Variants in TMEM184B observed in about 807,000 individuals in gnomAD.
The protein encoded by TMEM184B is transmembrane protein 184B.
In TMEM184B, 17 loss-of-function variants were observed where a neutral mutation model predicts 41.8. That is an observed-to-expected ratio of 0.41 (90% confidence interval 0.28 to 0.61). The LOEUF (loss-of-function observed/expected upper bound fraction) is 0.61, where lower values mean the gene tolerates loss of function less well. Ranked by LOEUF, TMEM184B falls within the 20% of genes least tolerant of loss-of-function variation. TMEM184B has a pLI of 0.34. For missense variants in TMEM184B, 393 were observed against 557.8 expected (o/e 0.70, Z 2.98); for synonymous variants, 240 against 229.5 (o/e 1.05, Z -0.41).
At position 38,256,977 on chromosome 22, in the gene TMEM184B, G is replaced by GTTTTTTTTTTT. The variant is rs777863582; in HGVS notation, c.-58-8969_-58-8959dup. 7.8e-4 allele frequency among the ~76,000 whole-genome samples: 97 copies of GTTTTTTTTTTT among 124,274 alleles called. 3 individuals carry two copies. Among genetic ancestry groups the GTTTTTTTTTTT allele is most frequent in the African/African-American group, 2.4e-3 (76 of 32,094 alleles). 81.5% of individuals were successfully genotyped at this position (124,274 alleles called of 152,430 possible). On this transcript the variant is annotated intron_variant, in intron 1 of 8. Transcript: ENST00000361906. Reference sequence around the variant, plus strand: ...CAAAGCCTGGAAGTGGACATTAATAGTTTTTTTTTTTTTTTTTTTTTGAGA... The same window carrying GTTTTTTTTTTT: ...CAAAGCCTGGAAGTGGACATTAATAGTTTTTTTTTTTTTTTTTTTTTTTTTTTTTTTTGAGA...
At chr22:38,245,034 C>A (rs554604920) in intron 3 of TMEM184B, among the ~76,000 whole-genome samples, 6 of 152,350 alleles carry the variant, frequency 3.9e-5, no homozygotes, top group African/African-American at 1.4e-4. Flanking sequence ...GTGATGTCTC[C>A]ACTCCACATC....
intron 3 of TMEM184B, among the ~76,000 whole-genome samples, chr22:38,236,362 CA>C (rs974043636): frequency 3.9e-5 from 6 of 152,302 alleles, no homozygotes; most frequent in Non-Finnish European, 8.8e-5. Flanking sequence ...GAGAAGACAT[CA>C]GGGGTCACTC....
Position 38,247,845 on chromosome 22 carries a change from C to T in TMEM184B, c.117G>A (p.Val39=), listed in dbSNP as rs1383551826. 1 of 1,613,772 alleles carries T rather than the reference C, an allele frequency of 6.2e-7. No homozygotes were observed. The highest frequency in any genetic ancestry group is 8.5e-7 in the Non-Finnish European group (1 of 1,179,984). The part of the protein sequence containing the change: ...EGSPTAMEQP[V]FLMTTAAQAI... ...CCTGAGCGGCAGTTGTCATCAGGAA[C>T]ACAGGCTGCTCCATGGCAGTGGGGC... The change falls in exon 2 of 9, where the codon GTG becomes GTA. Residue 39 remains valine, a synonymous_variant. Transcript: ENST00000361906.
intron 8 of TMEM184B, chr22:38,224,031 G>A (rs1356676840): frequency 6.6e-6 from 1 of 152,252 alleles, no homozygotes; most frequent in Non-Finnish European, 1.5e-5. Context: ...CACTGTTCTA[G>A]CAAGGAGGAA....
At chr22:38,227,953 T>C (rs1295871568) in intron 5 of TMEM184B, among the ~76,000 whole-genome samples, 1 of 152,094 alleles carries the variant, frequency 6.6e-6, no homozygotes, top group Non-Finnish European at 1.5e-5. Flanking sequence ...TAAGACCCCT[T>C]CTGAGGAGCT....
Position 38,234,941 on chromosome 22 carries a change from G to A in TMEM184B, c.359-3607C>T, listed in dbSNP as rs551938278. Among the ~76,000 whole-genome samples the A allele has an allele frequency of 2.3e-4, 35 of 152,304 alleles. 1 individual carries two copies. In the South Asian group the frequency reaches 7.3e-3, roughly 32 times the overall value. On this transcript the variant is annotated intron_variant, in intron 3 of 8. Coordinates refer to ENST00000361906, the MANE Select transcript of TMEM184B (RefSeq NM_012264.5). ...AACTCCTCCCTTGGTGGGGTCAGGGGCTGTGAACGTGCAGAGCCTTAGATG... is the reference window on the plus strand; with the variant it reads ...AACTCCTCCCTTGGTGGGGTCAGGGACTGTGAACGTGCAGAGCCTTAGATG...
At position 38,245,960 on chromosome 22, in the gene TMEM184B, G is replaced by A. The variant is rs752748055; in HGVS notation, c.333C>T (p.Phe111=). ...CCTCATAGCAGTCGCGGACGGTGCC[G>A]AAGTACACGTAGTACTGGTCGTTGG... The part of the protein sequence containing the change: ...FFTNDQYYVY[F]GTVRDCYEAL... Residue 111 remains phenylalanine, a synonymous_variant, in exon 3 of 9, where the codon TTC becomes TTT. Coordinates refer to ENST00000361906, the MANE Select transcript of TMEM184B (RefSeq NM_012264.5). 4.1e-5 allele frequency: 59 copies of A among 1,426,720 alleles called. No homozygotes were observed. The highest frequency in any genetic ancestry group is 2.1e-4 in the Middle Eastern group (1 of 4,862). 88.4% of individuals were successfully genotyped at this position (1,426,720 alleles called of 1,614,324 possible).
chr22:38,252,903 G>A (rs2092198582), intron 1 of TMEM184B, among the ~76,000 whole-genome samples: 1 of 152,234 alleles, frequency 6.6e-6, no homozygotes, highest in Admixed American at 6.5e-5. Flanking sequence ...AGCACTTTGG[G>A]AGGCCGAGCT....
intron 3 of TMEM184B, among the ~76,000 whole-genome samples, chr22:38,233,800 C>T (rs1331446622): frequency 6.6e-6 from 1 of 151,974 alleles, no homozygotes; most frequent in African/African-American, 2.4e-5. Context: ...GACAGAGTCT[C>T]GCTCTATCCC....
intron 2 of TMEM184B, chr22:38,246,991 T>C: frequency 1.6e-6 from 1 of 633,348 alleles, no homozygotes; most frequent in Non-Finnish European, 2.4e-6. Context: ...GGCAAGGGGC[T>C]GACTAGGGAA....
At position 38,247,924 on chromosome 22, in the gene TMEM184B, G is replaced by T; in HGVS notation, c.38C>A (p.Ala13Glu). The change falls in exon 2 of 9, where the codon GCG becomes GAG. Residue 13 changes from alanine to glutamate, a missense_variant. Transcript: ENST00000361906. ...VRGDVLAPDP[A>E]SPTTAAASPS... ...CGAGGCTGCTGCGGTCGTGGGCGAC[G>T]CTGGATCCGGGGCCAGCACATCCCC... The T allele has an allele frequency of 6.3e-7, 1 of 1,597,038 alleles. No individual in the cohort carries two copies. Among genetic ancestry groups the T allele is most frequent in the Non-Finnish European group, 8.5e-7 (1 of 1,175,348 alleles).
chr22:38,248,133 A>C, intron 1 of TMEM184B, 114 bp from the exon 2 acceptor site: 1 of 1,351,844 alleles, frequency 7.4e-7, no homozygotes, highest in Non-Finnish European at 9.7e-7. Context: ...GACCCCAACC[A>C]TCACCCTGTC....
rs757043461 is a variant in TMEM184B, at chr22:38,221,676, G to A, written c.1017C>T (p.Ser339=). ...RCAPMKSISS[S]LKETMNPHDI... is the part of the protein sequence containing the mutation. ...CGTGCGGGTTCATGGTCTCCTTGAG[G>A]CTGCTGGAGATGCTCTTCATGGGGG... Residue 339 remains serine, a synonymous_variant, in exon 9 of 9, where the codon AGC becomes AGT. Coordinates refer to ENST00000361906, the MANE Select transcript of TMEM184B (RefSeq NM_012264.5). 5.0e-6 allele frequency: 8 copies of A among 1,613,950 alleles called. No homozygotes were observed. The highest frequency in any genetic ancestry group is 6.8e-6 in the Non-Finnish European group (8 of 1,179,990).
At chr22:38,233,097 TG>T (rs1418141034) in intron 3 of TMEM184B, among the ~76,000 whole-genome samples, 1 of 152,206 alleles carries the variant, frequency 6.6e-6, no homozygotes, top group Non-Finnish European at 1.5e-5. Flanking sequence ...AACTGGAGCG[TG>T]GAAAGCCCTG....
chr22:38,234,502 T>C (rs572691335), intron 3 of TMEM184B, among the ~76,000 whole-genome samples: 1 of 152,248 alleles, frequency 6.6e-6, no homozygotes, highest in Non-Finnish European at 1.5e-5. Flanking sequence ...ACCTATAATA[T>C]CCATGAAGAA....
At chr22:38,260,495 G>A (rs1003732939) in intron 1 of TMEM184B, among the ~76,000 whole-genome samples, 10 of 152,104 alleles carry the variant, frequency 6.6e-5, no homozygotes, top group Admixed American at 2.0e-4. Flanking sequence ...TGCCACTGCC[G>A]TGCTGTGAAA....
chr22:38,225,734 G>T lies in TMEM184B; in HGVS notation c.618-141C>A. 1.0e-6 allele frequency: 1 copy of T among 960,544 alleles called. No individual in the cohort carries two copies. The highest frequency in any genetic ancestry group is 1.5e-6 in the Non-Finnish European group (1 of 688,420). 59.5% of individuals were successfully genotyped at this position (960,544 alleles called of 1,614,324 possible). A position where few individuals can be genotyped will look rare whatever the true frequency, so the allele number is the denominator to read the frequency against. Reference sequence around the variant, plus strand: ...AACGAGCCACTGAAGGGGTCAGAATGGGTGATCAAAGCGACAGACAGGGGT... The same window carrying T: ...AACGAGCCACTGAAGGGGTCAGAATTGGTGATCAAAGCGACAGACAGGGGT... On this transcript the variant is annotated intron_variant, in intron 6 of 8. Coordinates refer to ENST00000361906, the MANE Select transcript of TMEM184B (RefSeq NM_012264.5). This position sits in a 1 kb window ranked among gnomAD's most constrained non-coding sequence, Gnocchi z 4.4.
intron 1 of TMEM184B, among the ~76,000 whole-genome samples, chr22:38,248,311 T>C (rs1427133676): frequency 2.0e-5 from 3 of 152,300 alleles, no homozygotes; most frequent in African/African-American, 7.2e-5. Flanking sequence ...CCAGCTCCCC[T>C]AGAGTAAAAA....
intron 3 of TMEM184B, among the ~76,000 whole-genome samples, chr22:38,238,026 C>G (rs1163284776): frequency 1.3e-5 from 2 of 149,516 alleles, no homozygotes; most frequent in African/African-American, 4.9e-5. Context: ...TCTCGAACTC[C>G]CGACCTTAGG....
Sources: allele counts gnomAD v4.1 joint callset (sites outside exome capture counted in the v4.1 genomes callset), GRCh38; gene constraint gnomAD v4.1.1; non-coding constraint Gnocchi (gnomAD v3.1); transcripts MANE v1.5; gene names NCBI Gene and HGNC (gene_info 2026-07-23, HGNC 2026-07-21).